Variants in SUGCT observed in about 807,000 individuals in gnomAD.
The protein encoded by SUGCT is succinyl-CoA:glutarate CoA-transferase.
A neutral mutation model predicts 55.0 loss-of-function variants in SUGCT; 41 were observed. That is an observed-to-expected ratio of 0.74 (90% CI 0.58 to 0.97). The LOEUF (loss-of-function observed/expected upper bound fraction) is 0.97. SUGCT is among the 50% of genes least tolerant of loss of function. The probability of loss-of-function intolerance (pLI) is 0.00; values close to 1 mark genes in which losing one functional copy is unlikely to be tolerated. For missense variants in SUGCT, 568 were observed against 547.8 expected, an observed-to-expected ratio of 1.04 and a Z score of -0.37; for synonymous variants, 187 against 200.4, an observed-to-expected ratio of 0.93 and a Z score of 0.56.
intron 13 of SUGCT, among the ~76,000 whole-genome samples, chr7:40,770,349 A>T (rs1789029440): frequency 6.6e-6 from 1 of 152,124 alleles, no homozygotes; most frequent in African/African-American, 2.4e-5. Context: ...CTGGTATGAC[A>T]TCTCTGCCCT....
At chr7:40,336,417 A>C (rs1796710570) in intron 9 of SUGCT, among the ~76,000 whole-genome samples, 1 of 152,132 alleles carries the variant, frequency 6.6e-6, no homozygotes, top group South Asian at 2.1e-4. Context: ...TTATTGCCTC[A>C]ATTTCAGAGC....
the SUGCT span, among the ~76,000 whole-genome samples, chr7:40,980,559 T>G: frequency 0.37 from 56,334 of 151,948 alleles, 10,524 homozygotes; most frequent in South Asian, 0.42. Context: ...TGTGAAACTA[T>G]GAAACCAAAC....
At chr7:40,907,804 C>T in the SUGCT span, among the ~76,000 whole-genome samples, 5 of 152,150 alleles carry the variant, frequency 3.3e-5, no homozygotes, top group African/African-American at 1.2e-4. Context: ...CTGCATTATA[C>T]AGCTGTAATC....
chr7:40,647,551 G>A (rs6954401), intron 12 of SUGCT, among the ~76,000 whole-genome samples: 30,429 of 152,038 alleles, frequency 0.2, 5,994 homozygotes, highest in African/African-American at 0.51. Flanking sequence ...AGTGAGACAC[G>A]TAGAAGTTAG....
At chr7:40,796,891 A>T (rs1790577836) in intron 13 of SUGCT, among the ~76,000 whole-genome samples, 1 of 152,236 alleles carries the variant, frequency 6.6e-6, no homozygotes, top group African/African-American at 2.4e-5. Flanking sequence ...GATGACAGTT[A>T]GTGAAGGTCA....
chr7:40,159,014 C>A (rs1784025481), intron 1 of SUGCT, among the ~76,000 whole-genome samples: 1 of 152,200 alleles, frequency 6.6e-6, no homozygotes, highest in Admixed American at 6.5e-5. Flanking sequence ...CTCACTGGCT[C>A]AAGTGATCCT....
chr7:40,295,222 C>G (rs946364644), intron 8 of SUGCT, among the ~76,000 whole-genome samples: 3 of 151,900 alleles, frequency 2.0e-5, no homozygotes, highest in South Asian at 4.2e-4. Flanking sequence ...TGCATTTCCA[C>G]TGCTTAGTGA....
chr7:40,745,916 C>G (rs2128708496), intron 12 of SUGCT, among the ~76,000 whole-genome samples: 1 of 152,250 alleles, frequency 6.6e-6, no homozygotes, highest in African/African-American at 2.4e-5. Flanking sequence ...TGTTAGTGGT[C>G]AGAAAAACAA....
intron 11 of SUGCT, among the ~76,000 whole-genome samples, chr7:40,491,529 C>T (rs935908687): frequency 6.6e-6 from 1 of 151,946 alleles, no homozygotes; most frequent in Non-Finnish European, 1.5e-5. Flanking sequence ...TGGAATTATC[C>T]TATGATACTT....
At chr7:40,751,441 G>A (rs1182180459) in intron 13 of SUGCT, among the ~76,000 whole-genome samples, 1 of 152,130 alleles carries the variant, frequency 6.6e-6, no homozygotes, top group Non-Finnish European at 1.5e-5. Flanking sequence ...TTAGGGTCAT[G>A]GGAATAGAAA....
At chr7:40,909,092 A>G in the SUGCT span, among the ~76,000 whole-genome samples, 3 of 152,214 alleles carry the variant, frequency 2.0e-5, no homozygotes, top group African/African-American at 7.2e-5. Flanking sequence ...TCTACAATGC[A>G]TGTATACTGC....
intron 7 of SUGCT, among the ~76,000 whole-genome samples, chr7:40,255,238 A>C (rs570451873): frequency 6.6e-6 from 1 of 151,652 alleles, no homozygotes; most frequent in African/African-American, 2.4e-5. Flanking sequence ...AAAAAAAAAA[A>C]AAAAAAGAAT....
intron 9 of SUGCT, among the ~76,000 whole-genome samples, chr7:40,332,119 A>G (rs1319360943): frequency 1.3e-5 from 2 of 152,182 alleles, no homozygotes; most frequent in Non-Finnish European, 2.9e-5. Flanking sequence ...TAGACTTTGA[A>G]TAGCTATGAC....
At chr7:40,320,262 C>T (rs10265689) in intron 9 of SUGCT, among the ~76,000 whole-genome samples, 84,167 of 151,530 alleles carry the variant, frequency 0.56, 24,679 homozygotes, top group Non-Finnish European at 0.66. Context: ...ATAACAAAAA[C>T]GCCTGGCTGG....
chr7:40,154,584 C>T (rs1783789863), intron 1 of SUGCT, among the ~76,000 whole-genome samples: 1 of 152,040 alleles, frequency 6.6e-6, no homozygotes, highest in Non-Finnish European at 1.5e-5. Flanking sequence ...CTCAAGCAAT[C>T]CTCCCAAAGT....
intron 9 of SUGCT, among the ~76,000 whole-genome samples, chr7:40,417,181 G>A (rs893684914): frequency 5.3e-5 from 8 of 151,800 alleles, no homozygotes; most frequent in Admixed American, 6.6e-5. Flanking sequence ...TCCTGGCAGC[G>A]TGAATTTTTG....
chr7:40,984,338 C>G, the SUGCT span, among the ~76,000 whole-genome samples: 5 of 152,164 alleles, frequency 3.3e-5, no homozygotes, highest in Admixed American at 3.3e-4. Context: ...TAACTTAGAA[C>G]TTTTAATCCT....
At chr7:40,311,016 A>C (rs1795119007) in intron 8 of SUGCT, among the ~76,000 whole-genome samples, 1 of 152,166 alleles carries the variant, frequency 6.6e-6, no homozygotes, top group Non-Finnish European at 1.5e-5. Context: ...CTCAAATTCA[A>C]CACATTCAGA....
intron 11 of SUGCT, among the ~76,000 whole-genome samples, chr7:40,488,592 A>G (rs1791515303): frequency 1.3e-5 from 2 of 152,214 alleles, no homozygotes; most frequent in South Asian, 4.1e-4. Flanking sequence ...CAGATTTTTC[A>G]TATTACTCAC....
Sources: allele counts gnomAD v4.1 joint callset (sites outside exome capture counted in the v4.1 genomes callset), GRCh38; gene constraint gnomAD v4.1.1; transcripts MANE v1.5; gene names NCBI Gene and HGNC (gene_info 2026-07-23, HGNC 2026-07-21).